EPHA5: variants seen among roughly 807,000 people sequenced by gnomAD.
EPHA5 encodes EPH receptor A5.
EPHA5 carries 60 observed loss-of-function variants against 105.0 expected under a neutral mutation model. The observed-to-expected ratio is 0.57, with a 90% CI of 0.46 to 0.71. The LOEUF (loss-of-function observed/expected upper bound fraction) is 0.71. Ranked by LOEUF, EPHA5 falls within the 30% of genes least tolerant of loss-of-function variation. The pLI is 0.00. For missense variants in EPHA5, 1,218 were observed against 1,274.7 expected, an observed-to-expected ratio of 0.96 and a Z score of 0.68; for synonymous variants, 513 against 449.1, an observed-to-expected ratio of 1.14 and a Z score of -1.80.
At chr4:65,541,502 G>C (rs1436620237) in intron 3 of EPHA5, among the ~76,000 whole-genome samples, 1 of 151,888 alleles carries the variant, frequency 6.6e-6, no homozygotes. Flanking sequence ...AAGAGACAAA[G>C]AAGGGCATTA....
intron 3 of EPHA5, among the ~76,000 whole-genome samples, chr4:65,520,161 T>C (rs1420117574): frequency 6.6e-6 from 1 of 152,130 alleles, no homozygotes; most frequent in East Asian, 1.9e-4. Context: ...AACAGCATGG[T>C]ACTGGTACCA....
At chr4:65,408,642 A>G (rs934330737) in intron 7 of EPHA5, among the ~76,000 whole-genome samples, 6 of 152,128 alleles carry the variant, frequency 3.9e-5, no homozygotes, top group African/African-American at 1.4e-4. Flanking sequence ...ACAATGAGAT[A>G]CCATCTCACA....
Position 65,454,436 on chromosome 4 carries a change from A to G in EPHA5, c.1403-33871T>C, listed in dbSNP as rs548392951. 7.9e-5 allele frequency among the ~76,000 whole-genome samples: 12 copies of G among 152,304 alleles called. No homozygotes were observed. The East Asian group carries it at 2.3e-3, about 29-fold the overall frequency. On this transcript the variant is annotated intron_variant, in intron 5 of 16. Transcript: ENST00000613740. ...ATCAGAGTCAGATGCCTACTAGACA[A>G]ATGTCAATGCATGAAAAAGGCTATG... is the stretch of plus-strand genomic sequence containing the variant.
chr4:65,393,491 G>A (rs900138331), intron 8 of EPHA5, among the ~76,000 whole-genome samples: 2 of 152,138 alleles, frequency 1.3e-5, no homozygotes, highest in African/African-American at 4.8e-5. Context: ...CCAACCTCAT[G>A]GGCCTCTCCT....
At chr4:65,365,329 A>G (rs973540563) in intron 10 of EPHA5, 127 bp from the exon 11 acceptor site, 2 of 790,998 alleles carry the variant, frequency 2.5e-6, no homozygotes, top group Non-Finnish European at 4.0e-6. Context: ...AAACAAACAA[A>G]CAAAAAGCAG....
At chr4:65,484,753 G>A (rs969562772) in intron 5 of EPHA5, among the ~76,000 whole-genome samples, 1 of 152,036 alleles carries the variant, frequency 6.6e-6, no homozygotes, top group African/African-American at 2.4e-5. Flanking sequence ...AATTCCTAGT[G>A]TAAAATTATT....
chr4:65,385,650 G>GT (rs1165667570), intron 8 of EPHA5, among the ~76,000 whole-genome samples: 1 of 151,768 alleles, frequency 6.6e-6, no homozygotes, highest in Non-Finnish European at 1.5e-5. Flanking sequence ...GGTGATAAAT[G>GT]TGAAATATTT....
At chr4:65,605,748 A>G (rs1225957825) in intron 2 of EPHA5, among the ~76,000 whole-genome samples, 1 of 152,162 alleles carries the variant, frequency 6.6e-6, no homozygotes, top group Non-Finnish European at 1.5e-5. Context: ...GGTCTTGTAT[A>G]GAAGAAAAGT....
chr4:65,667,889 C>G (rs540679780), intron 1 of EPHA5, among the ~76,000 whole-genome samples: 29 of 152,168 alleles, frequency 1.9e-4, no homozygotes, highest in Non-Finnish European at 3.5e-4. Flanking sequence ...ATGCCCCTTT[C>G]GGTGGAATAA....
At chr4:65,428,064 T>C (rs1724621094) in intron 5 of EPHA5, among the ~76,000 whole-genome samples, 1 of 152,150 alleles carries the variant, frequency 6.6e-6, no homozygotes, top group African/African-American at 2.4e-5. Context: ...ATCATGTACG[T>C]CTTCTGTAGC....
intron 6 of EPHA5, 48 bp from the exon 7 acceptor site, chr4:65,414,491 C>A (rs1444777076): frequency 6.4e-7 from 1 of 1,572,886 alleles, no homozygotes; most frequent in East Asian, 2.3e-5. Flanking sequence ...ATATAAATTA[C>A]TAATGACAGC....
At chr4:65,577,856 G>A (rs967546052) in intron 3 of EPHA5, among the ~76,000 whole-genome samples, 4 of 152,042 alleles carry the variant, frequency 2.6e-5, no homozygotes, top group African/African-American at 9.7e-5. Flanking sequence ...TACAAATCCT[G>A]TCACATTTCT....
At chr4:65,602,518 T>C (rs1052610253) in intron 2 of EPHA5, among the ~76,000 whole-genome samples, 1 of 152,136 alleles carries the variant, frequency 6.6e-6, no homozygotes, top group Non-Finnish European at 1.5e-5. Flanking sequence ...ATTAAGAAAT[T>C]ATTATTCTTC....
chr4:65,433,059 C>T (rs1725125828), intron 5 of EPHA5, among the ~76,000 whole-genome samples: 1 of 151,986 alleles, frequency 6.6e-6, no homozygotes, highest in Non-Finnish European at 1.5e-5. Flanking sequence ...CTATGCAAAA[C>T]ACTCGCTAAT....
intron 14 of EPHA5, among the ~76,000 whole-genome samples, chr4:65,338,179 A>G (rs1006103734): frequency 6.6e-6 from 1 of 152,138 alleles, no homozygotes; most frequent in African/African-American, 2.4e-5. Flanking sequence ...TAATGATCAA[A>G]TAAAGAAATA....
intron 7 of EPHA5, among the ~76,000 whole-genome samples, chr4:65,407,161 C>G (rs1431545433): frequency 2.6e-5 from 4 of 151,956 alleles, no homozygotes; most frequent in African/African-American, 9.7e-5. Context: ...TTAGAGAGTC[C>G]TACTACCTTT....
chr4:65,337,539 T>C (rs1721300939), intron 14 of EPHA5, among the ~76,000 whole-genome samples: 1 of 152,140 alleles, frequency 6.6e-6, no homozygotes. Context: ...GAAAGAAGAT[T>C]AAACGGTACT....
intron 5 of EPHA5, among the ~76,000 whole-genome samples, chr4:65,468,403 A>C (rs1403835511): frequency 2.0e-5 from 3 of 150,872 alleles, no homozygotes; most frequent in Non-Finnish European, 2.9e-5. Flanking sequence ...ATAGAAATCT[A>C]TAAATTGATG....
chr4:65,423,063 G>T (rs573360904), intron 5 of EPHA5, among the ~76,000 whole-genome samples: 15 of 152,022 alleles, frequency 9.9e-5, no homozygotes, highest in African/African-American at 3.4e-4. Context: ...GGCTCCTCTT[G>T]GTTATGGCAG....
Sources: allele counts gnomAD v4.1 joint callset (sites outside exome capture counted in the v4.1 genomes callset), GRCh38; gene constraint gnomAD v4.1.1; transcripts MANE v1.5; gene names NCBI Gene and HGNC (gene_info 2026-07-23, HGNC 2026-07-21).